Variants in TMEM260 observed in about 807,000 individuals in gnomAD.
The protein encoded by TMEM260 is protein O-mannosyl-transferase TMEM260.
In TMEM260, 82 loss-of-function variants were observed where a neutral mutation model predicts 88.9. The ratio of observed to expected loss-of-function variants is 0.92; its 90% CI spans 0.77 to 1.11. The LOEUF (loss-of-function observed/expected upper bound fraction) is 1.11. TMEM260 is among the 50% of genes least tolerant of loss of function. TMEM260 has a pLI of 0.00. For synonymous variants in TMEM260, 314 were observed against 309.3 expected, an observed-to-expected ratio of 1.02 and a Z score of -0.16; for missense variants, 902 against 853.4, an observed-to-expected ratio of 1.06 and a Z score of -0.71.
At chr14:56,592,542 G>C (rs1401448999) in intron 3 of TMEM260, among the ~76,000 whole-genome samples, 1 of 152,118 alleles carries the variant, frequency 6.6e-6, no homozygotes, top group Non-Finnish European at 1.5e-5. Context: ...CATTCTCCAG[G>C]TAGACTGGAG....
chr14:56,656,082 C>G, the TMEM260 span, among the ~76,000 whole-genome samples: 3,328 of 152,250 alleles, frequency 0.022, 75 homozygotes, highest in East Asian at 0.057. Context: ...AGACTCCCAG[C>G]TCTGCCACTT....
At chr14:56,662,048 C>T in the TMEM260 span, among the ~76,000 whole-genome samples, 1 of 152,184 alleles carries the variant, frequency 6.6e-6, no homozygotes, top group Admixed American at 6.5e-5. Flanking sequence ...ATTCACTCCT[C>T]AAAATCTGAT....
intron 15 of TMEM260, among the ~76,000 whole-genome samples, chr14:56,640,905 C>CAATGAAATG (rs1313283679): frequency 6.6e-6 from 1 of 151,890 alleles, no homozygotes; most frequent in African/African-American, 2.4e-5. Flanking sequence ...CAGCGATGGA[C>CAATGAAATG]AATGAAATGA....
At chr14:56,612,475 T>TG in intron 7 of TMEM260, 190 bp downstream of exon 7, 1 of 587,284 alleles carries the variant, frequency 1.7e-6, no homozygotes. Context: ...TTACAGGAAC[T>TG]CCTAAGGATA....
intron 11 of TMEM260, among the ~76,000 whole-genome samples, chr14:56,622,394 C>T (rs1887989723): frequency 6.7e-6 from 1 of 149,808 alleles, no homozygotes; most frequent in Non-Finnish European, 1.5e-5. Context: ...CTAACTCAAC[C>T]ATTCAAATTT....
the TMEM260 span, among the ~76,000 whole-genome samples, chr14:56,658,499 G>C: frequency 6.6e-6 from 1 of 151,632 alleles, no homozygotes; most frequent in Non-Finnish European, 1.5e-5. Context: ...GCCTCCCAAA[G>C]TGCTGGGATT....
chr14:56,603,090 G>C (rs549629077), intron 3 of TMEM260, among the ~76,000 whole-genome samples: 15 of 152,266 alleles, frequency 9.9e-5, no homozygotes, highest in Admixed American at 2.6e-4. Context: ...TCTGAACCGA[G>C]ATCCAGATTC....
chr14:56,649,688 C>A (rs575492920), downstream of TMEM260, among the ~76,000 whole-genome samples: 18 of 150,710 alleles, frequency 1.2e-4, no homozygotes, highest in African/African-American at 4.5e-4. Flanking sequence ...TTAAGAATGG[C>A]AAATGAAGAC....
chr14:56,597,817 A>G (rs912862709), intron 3 of TMEM260, among the ~76,000 whole-genome samples: 5 of 152,234 alleles, frequency 3.3e-5, no homozygotes, highest in Non-Finnish European at 7.3e-5. Context: ...GTTATTTTCA[A>G]CAGAGAGAGA....
intron 3 of TMEM260, among the ~76,000 whole-genome samples, chr14:56,597,197 C>T (rs905492924): frequency 5.3e-5 from 8 of 152,038 alleles, no homozygotes; most frequent in African/African-American, 1.4e-4. Context: ...TCAAAAAATC[C>T]GAAATCTAGA....
intron 2 of TMEM260, among the ~76,000 whole-genome samples, 199 bp downstream of exon 2, chr14:56,585,231 A>G (rs568625637): frequency 7.9e-5 from 12 of 152,136 alleles, no homozygotes; most frequent in Non-Finnish European, 1.6e-4. Flanking sequence ...CCTTTACTAT[A>G]TATACAGTAG....
At chr14:56,619,031 T>TA (rs1490290127) in intron 10 of TMEM260, among the ~76,000 whole-genome samples, 1 of 152,230 alleles carries the variant, frequency 6.6e-6, no homozygotes, top group Non-Finnish European at 1.5e-5. Context: ...ACCCAAGAGA[T>TA]ACTTTTAGAA....
At chr14:56,617,318 T>C in intron 9 of TMEM260, 21 bp downstream of exon 9, 1 of 1,485,748 alleles carries the variant, frequency 6.7e-7, no homozygotes, top group Non-Finnish European at 9.2e-7. Flanking sequence ...CTTAGATATA[T>C]CCTTTGACCA....
At chr14:56,656,499 T>C in the TMEM260 span, among the ~76,000 whole-genome samples, 1 of 152,192 alleles carries the variant, frequency 6.6e-6, no homozygotes, top group African/African-American at 2.4e-5. Context: ...GACTACCTCA[T>C]GGTGCAGCTA....
intron 15 of TMEM260, among the ~76,000 whole-genome samples, chr14:56,646,902 G>C (rs542165387): frequency 8.6e-5 from 13 of 150,664 alleles, no homozygotes; most frequent in African/African-American, 3.2e-4. Context: ...CAACCCTTCT[G>C]CCTGTTGAGT....
At chr14:56,657,738 G>A in the TMEM260 span, among the ~76,000 whole-genome samples, 1 of 152,176 alleles carries the variant, frequency 6.6e-6, no homozygotes, top group South Asian at 2.1e-4. Flanking sequence ...TTTCCCACCT[G>A]TTGAGATGTC....
chr14:56,653,746 A>AAAAAAAAAAAAAAACAAAAC (rs1555343595), downstream of TMEM260, among the ~76,000 whole-genome samples: 1 of 85,968 alleles, frequency 1.2e-5, no homozygotes, highest in African/African-American at 2.8e-5. Flanking sequence ...CAAAACAAAA[A>AAAAAAAAAAAAAAACAAAAC]AAAAAAAAAC....
At chr14:56,643,710 A>G (rs898389783) in intron 15 of TMEM260, among the ~76,000 whole-genome samples, 4 of 152,214 alleles carry the variant, frequency 2.6e-5, no homozygotes, top group Admixed American at 2.0e-4. Flanking sequence ...GGAAAAGAGG[A>G]AGTCAAATTG....
chr14:56,656,387 C>T, the TMEM260 span, among the ~76,000 whole-genome samples: 4 of 150,038 alleles, frequency 2.7e-5, no homozygotes, highest in East Asian at 2.0e-4. Flanking sequence ...CCACTGCACT[C>T]CAGCCTGGGG....
Sources: allele counts gnomAD v4.1 joint callset (sites outside exome capture counted in the v4.1 genomes callset), GRCh38; gene constraint gnomAD v4.1.1; transcripts MANE v1.5; gene names NCBI Gene and HGNC (gene_info 2026-07-23, HGNC 2026-07-21).